Variants in ROBO2 observed in about 807,000 individuals in gnomAD.
The protein encoded by ROBO2 is roundabout homolog 2.
A neutral mutation model predicts 160.8 loss-of-function variants in ROBO2; 53 were observed. That is an observed-to-expected ratio of 0.33 (90% confidence interval 0.26 to 0.41). The LOEUF (loss-of-function observed/expected upper bound fraction) is 0.41. Ranked by LOEUF, ROBO2 falls within the 10% of genes least tolerant of loss-of-function variation. The pLI is 1.00. For missense variants in ROBO2, 1,577 were observed against 1,722.4 expected (o/e 0.92, Z 1.49); for synonymous variants, 664 against 611.7 (o/e 1.09, Z -1.26).
chr3:76,050,910 C>A (rs1265743248), intron 2 of ROBO2, among the ~76,000 whole-genome samples: 2 of 152,166 alleles, frequency 1.3e-5, no homozygotes, highest in Non-Finnish European at 2.9e-5. Context: ...AGATTAAAGA[C>A]AACTATTCCT....
At chr3:76,390,443 A>G (rs2077093912) in intron 2 of ROBO2, among the ~76,000 whole-genome samples, 1 of 152,160 alleles carries the variant, frequency 6.6e-6, no homozygotes, top group African/African-American at 2.4e-5. Flanking sequence ...GGAAAATGAT[A>G]AGACATACAT....
chr3:76,997,722 A>G (rs978504946), intron 2 of ROBO2, among the ~76,000 whole-genome samples: 10 of 152,222 alleles, frequency 6.6e-5, no homozygotes, highest in Admixed American at 2.6e-4. Context: ...CTCACTGGGC[A>G]TATCACTTAG....
intron 1 of ROBO2, among the ~76,000 whole-genome samples, chr3:77,096,432 ATTTC>A (rs2071068641): frequency 6.7e-6 from 1 of 150,036 alleles, no homozygotes; most frequent in Non-Finnish European, 1.5e-5. Context: ...TTCTCTTCCT[ATTTC>A]TTTTCTTTTC....
At chr3:77,438,031 T>C (rs577427584) in intron 2 of ROBO2, among the ~76,000 whole-genome samples, 15 of 152,118 alleles carry the variant, frequency 9.9e-5, no homozygotes, top group African/African-American at 3.4e-4. Context: ...ACATGATTAA[T>C]AGGAGGTTTT....
intron 2 of ROBO2, among the ~76,000 whole-genome samples, chr3:77,013,589 A>G (rs2062045457): frequency 3.9e-5 from 6 of 152,170 alleles, no homozygotes; most frequent in Admixed American, 3.9e-4. Flanking sequence ...CAGCCTAGAT[A>G]ATGCTCATTG....
rs1194620092 is a variant in ROBO2, at chr3:76,619,841, T to G, written c.110-478173T>G. Among the ~76,000 whole-genome samples, 3 of 152,304 alleles carry G rather than the reference T, an allele frequency of 2.0e-5. No individual in the cohort carries two copies. The East Asian group carries it at 5.8e-4, about 29-fold the overall frequency. ...TTTGAGCTTTCAGTGGCTATTTACT[T>G]TGTGAGAAACAGTTCTTTTTCCTGA... On this transcript the variant is annotated intron_variant, in intron 2 of 26. Transcript: ENST00000487694.
In ROBO2 at chr3:76,651,985, A is replaced by C. The variant is rs370403263; in HGVS notation, c.110-446029A>C. 8.5e-5 allele frequency among the ~76,000 whole-genome samples: 13 copies of C among 152,314 alleles called. No individual in the cohort carries two copies. In the East Asian group the frequency reaches 2.3e-3, roughly 27 times the overall value. The stretch of plus-strand genomic sequence containing the variant: ...ATGGTTCTGATACCTTTGTCTTACC[A>C]AATGGAGGATGTCGCTCCCTGCAGG... On this transcript the variant is annotated intron_variant, in intron 2 of 26. Transcript: ENST00000487694.
intron 2 of ROBO2, among the ~76,000 whole-genome samples, chr3:77,340,215 C>T (rs6548499): frequency 0.14 from 20,544 of 151,932 alleles, 1,366 homozygotes; most frequent in South Asian, 0.16. Context: ...TGAATGGTAA[C>T]GAGAATAATA....
intron 2 of ROBO2, among the ~76,000 whole-genome samples, chr3:77,019,009 G>T (rs2062457177): frequency 6.6e-6 from 1 of 152,166 alleles, no homozygotes; most frequent in Non-Finnish European, 1.5e-5. Context: ...GCTCAAGTTG[G>T]TGTGGGGCAA....
chr3:76,171,479 A>C (rs2073038223), intron 2 of ROBO2, among the ~76,000 whole-genome samples: 1 of 151,992 alleles, frequency 6.6e-6, no homozygotes, highest in African/African-American at 2.4e-5. Context: ...TTATGTCTTT[A>C]AACTTAAGGG....
chr3:77,596,801 T>C (rs1158151337), intron 19 of ROBO2, 51 bp downstream of exon 20: 12 of 1,599,330 alleles, frequency 7.5e-6, no homozygotes, highest in Non-Finnish European at 1.0e-5. Flanking sequence ...CTCTCTTTTT[T>C]TTTTTTTGAC....
intron 2 of ROBO2, among the ~76,000 whole-genome samples, chr3:77,374,588 A>G (rs1002681046): frequency 3.3e-5 from 5 of 152,152 alleles, no homozygotes; most frequent in African/African-American, 1.2e-4. Flanking sequence ...ATGCTTCCTT[A>G]AAGTTTTTGT....
At position 76,834,829 on chromosome 3, in the gene ROBO2, C is replaced by T. The variant is rs535561620; in HGVS notation, c.110-263185C>T. 2.0e-5 allele frequency among the ~76,000 whole-genome samples: 3 copies of T among 152,186 alleles called. No individual in the cohort carries two copies. The East Asian group carries it at 5.8e-4, about 29-fold the overall frequency. On this transcript the variant is annotated intron_variant, in intron 2 of 26. Transcript: ENST00000487694. The stretch of plus-strand genomic sequence containing the variant: ...TATAGACATGCAATCATTTCATTGG[C>T]CAAAGCATTCCATTCTTTAAATTCT...
intron 6 of ROBO2, among the ~76,000 whole-genome samples, chr3:77,525,817 C>T (rs1242401380): frequency 6.7e-6 from 1 of 149,860 alleles, no homozygotes; most frequent in African/African-American, 2.4e-5. Flanking sequence ...ATATCCTACA[C>T]TCAAAACGCC....
chr3:76,811,858 C>G (rs908552815), intron 2 of ROBO2, among the ~76,000 whole-genome samples: 1 of 126,574 alleles, frequency 7.9e-6, no homozygotes, highest in East Asian at 2.3e-4. Context: ...TCCTTCCTTC[C>G]TTCCTTCCTT....
chr3:76,840,074 T>C (rs2068075816), intron 2 of ROBO2, among the ~76,000 whole-genome samples: 1 of 152,180 alleles, frequency 6.6e-6, no homozygotes, highest in Non-Finnish European at 1.5e-5. Context: ...TTATTTAGTC[T>C]GCCTAAAGGT....
At chr3:76,869,545 T>C (rs2071789001) in intron 2 of ROBO2, among the ~76,000 whole-genome samples, 1 of 151,814 alleles carries the variant, frequency 6.6e-6, no homozygotes, top group Non-Finnish European at 1.5e-5. Context: ...GAGACGGGGT[T>C]TCACCGTGTT....
intron 2 of ROBO2, among the ~76,000 whole-genome samples, chr3:77,016,941 A>T (rs1039691769): frequency 6.6e-6 from 1 of 152,166 alleles, no homozygotes; most frequent in Non-Finnish European, 1.5e-5. Context: ...TTCATATATT[A>T]TAATAATATT....
chr3:75,957,899 CATCTT>C (rs1458033678), intron 2 of ROBO2, among the ~76,000 whole-genome samples: 3 of 151,628 alleles, frequency 2.0e-5, no homozygotes, highest in Non-Finnish European at 4.4e-5. Context: ...AACAGAATCT[CATCTT>C]AACTTTTTAA....
Sources: gnomAD v4.1 joint callset for allele counts (sites outside exome capture counted in the v4.1 genomes callset) on GRCh38, gnomAD v4.1.1 for gene constraint, MANE v1.5 for transcripts, NCBI Gene and HGNC (gene_info 2026-07-23, HGNC 2026-07-21) for gene names.